Variants in MAP3K20 observed in about 807,000 individuals in gnomAD.
MAP3K20 encodes HCCS-4.
A neutral mutation model predicts 85.7 loss-of-function variants in MAP3K20; 40 were observed. The observed-to-expected ratio is 0.47, with a 90% CI of 0.36 to 0.61. MAP3K20 has a LOEUF of 0.61. MAP3K20 is among the 20% of genes least tolerant of loss of function. The pLI is 0.00. For missense variants in MAP3K20, 817 were observed against 961.7 expected (o/e 0.85, Z 1.99); for synonymous variants, 325 against 327.7 (o/e 0.99, Z 0.09).
intron 2 of MAP3K20, among the ~76,000 whole-genome samples, chr2:173,145,106 T>TA (rs1559251092): frequency 6.6e-6 from 1 of 152,142 alleles, no homozygotes; most frequent in African/African-American, 2.4e-5. Flanking sequence ...AACCTAAATG[T>TA]AAAAGCGAAA....
chr2:173,197,437 A>G (rs1200760852), intron 7 of MAP3K20, among the ~76,000 whole-genome samples: 4 of 152,206 alleles, frequency 2.6e-5, no homozygotes, highest in Admixed American at 2.0e-4. Context: ...TTGTAGGTAG[A>G]TGAAAATAGA....
At chr2:173,262,912 T>C (rs905955028) in intron 18 of MAP3K20, among the ~76,000 whole-genome samples, 2 of 152,236 alleles carry the variant, frequency 1.3e-5, no homozygotes, top group African/African-American at 4.8e-5. Context: ...AACCAGATTC[T>C]ACCTCTGCCT....
At chr2:173,167,125 C>G (rs1386053482) in intron 2 of MAP3K20, among the ~76,000 whole-genome samples, 1 of 151,874 alleles carries the variant, frequency 6.6e-6, no homozygotes, top group African/African-American at 2.4e-5. Flanking sequence ...CCATATTAGC[C>G]AGGATGGTCT....
chr2:173,147,140 C>A (rs974715485), intron 2 of MAP3K20, among the ~76,000 whole-genome samples: 2 of 151,966 alleles, frequency 1.3e-5, no homozygotes, highest in African/African-American at 4.8e-5. Context: ...TATTTATTGC[C>A]CTATTCTGTG....
chr2:173,207,133 GAGA>G (rs1163429199), intron 9 of MAP3K20, among the ~76,000 whole-genome samples: 28 of 151,512 alleles, frequency 1.8e-4, no homozygotes, highest in Non-Finnish European at 3.7e-4. Flanking sequence ...TTTTATTGAA[GAGA>G]AGGAGAAAAA....
intron 2 of MAP3K20, among the ~76,000 whole-genome samples, chr2:173,139,426 T>A (rs538288594): frequency 4.6e-5 from 7 of 152,356 alleles, no homozygotes; most frequent in Non-Finnish European, 1.0e-4. Context: ...AGTTCTTCTC[T>A]GAGTTATTCT....
chr2:173,151,524 A>G (rs994115979), intron 2 of MAP3K20, among the ~76,000 whole-genome samples: 3 of 152,190 alleles, frequency 2.0e-5, no homozygotes, highest in Admixed American at 6.5e-5. Flanking sequence ...CCATACTCAG[A>G]TCAACTACTA....
intron 11 of MAP3K20, among the ~76,000 whole-genome samples, chr2:173,220,930 A>C (rs923928048): frequency 2.6e-5 from 4 of 152,162 alleles, no homozygotes; most frequent in African/African-American, 9.7e-5. Context: ...GTGCTTTGCA[A>C]ACTTTTGGTT....
chr2:173,198,539 A>G lies in MAP3K20; in HGVS notation c.669+427A>G, dbSNP rs1360161836. ...CTTACCTCTCCCAGCAGGAGTCACT[A>G]TAGTACAAGAAACTGTCGCTTAGAT... On this transcript the variant is annotated intron_variant, in intron 8 of 19. Coordinates refer to ENST00000375213, the MANE Select transcript of MAP3K20 (RefSeq NM_016653.3). This position sits in a 1 kb window ranked among gnomAD's most constrained non-coding sequence, Gnocchi z 5.8. 1 of 152,752 alleles carries G rather than the reference A, an allele frequency of 6.5e-6. No individual in the cohort carries two copies. Among genetic ancestry groups the G allele is most frequent in the Non-Finnish European group, 1.5e-5 (1 of 68,178 alleles). The allele number at this position is 152,752 out of a possible 1,614,324, so 9.5% of individuals were successfully genotyped here.
intron 2 of MAP3K20, among the ~76,000 whole-genome samples, chr2:173,124,497 T>C (rs1268250077): frequency 6.6e-6 from 1 of 151,854 alleles, no homozygotes; most frequent in Middle Eastern, 3.2e-3. Flanking sequence ...GTTCCATGGG[T>C]GGGAGCTGGT....
At chr2:173,223,658 C>T (rs1684311410) in intron 11 of MAP3K20, 3 of 985,240 alleles carry the variant, frequency 3.0e-6, no homozygotes, top group Non-Finnish European at 3.6e-6. Context: ...GCCAGCTTAA[C>T]CTGGTCTGAG....
chr2:173,173,309 A>AC lies in MAP3K20; in HGVS notation c.247+3420dup, dbSNP rs758098622. 6.8e-4 allele frequency among the ~76,000 whole-genome samples: 104 copies of AC among 152,086 alleles called. 1 individual carries two copies. The highest frequency in any genetic ancestry group is 2.6e-4 in the Non-Finnish European group (18 of 67,984). On this transcript the variant is annotated intron_variant, in intron 3 of 19. Transcript: ENST00000375213. The stretch of plus-strand genomic sequence containing the variant: ...TTGTAGCAAGCCAGATTGGAGAGGA[A>AC]CCCACACCCAAAGTATCTGGTAATC...
intron 11 of MAP3K20, chr2:173,226,068 C>T: frequency 1.0e-6 from 1 of 985,114 alleles, no homozygotes; most frequent in Non-Finnish European, 1.2e-6. Context: ...GTTTTTGGTG[C>T]TCTGGAAATG....
Position 173,261,107 on chromosome 2 carries a change from T to A in MAP3K20, c.1521T>A (p.Ser507Arg). The A allele has an allele frequency of 6.2e-7, 1 of 1,613,700 alleles. No homozygotes were observed. The highest frequency in any genetic ancestry group is 8.5e-7 in the Non-Finnish European group (1 of 1,179,678). ...MEKWIVGIAK[S>R]QTVECTVTYE... ...AGTGGATTGTAGGAATAGCAAAAAG[T>A]CAGACTGTGGAGTGCACTGTCACAT... The change falls in exon 18 of 20, where the codon AGT (serine) becomes AGA (arginine). Residue 507 changes from serine to arginine, a missense_variant. Physicochemically the swap from Ser to Arg is moderately radical, Grantham distance 110. Coordinates refer to ENST00000375213, the MANE Select transcript of MAP3K20 (RefSeq NM_016653.3).
At chr2:173,134,424 A>ATTTTTTTT (rs1315509260) in intron 2 of MAP3K20, among the ~76,000 whole-genome samples, 5 of 5,034 alleles carry the variant, frequency 9.9e-4, no homozygotes, top group East Asian at 4.3e-3. Flanking sequence ...ATATATATAT[A>ATTTTTTTT]TATATTTTTT....
rs1019417386 is a variant in MAP3K20, at chr2:173,153,898, G to A, written c.160-15907G>A. 1.7e-4 allele frequency among the ~76,000 whole-genome samples: 26 copies of A among 151,916 alleles called. 1 individual carries two copies. Among genetic ancestry groups the A allele is most frequent in the Non-Finnish European group, 3.1e-4 (21 of 67,970 alleles). On this transcript the variant is annotated intron_variant, in intron 2 of 19. Transcript: ENST00000375213. Reference sequence around the variant, plus strand: ...TTGTATTATTTTTTATTGTTGTATTGTTATTTTTAAATTTTTTCCAATATT... The same window carrying A: ...TTGTATTATTTTTTATTGTTGTATTATTATTTTTAAATTTTTTCCAATATT...
intron 16 of MAP3K20, among the ~76,000 whole-genome samples, chr2:173,241,418 G>A (rs1011345460): frequency 2.0e-5 from 3 of 152,124 alleles, no homozygotes; most frequent in Non-Finnish European, 4.4e-5. Flanking sequence ...TTCGAGACCA[G>A]CCTGGGCAAC....
chr2:173,076,125 C>T (rs1384828366), intron 1 of MAP3K20, 123 bp downstream of exon 1: 1 of 721,088 alleles, frequency 1.4e-6, no homozygotes, highest in African/African-American at 1.9e-5. Flanking sequence ...TAGGCGGCCT[C>T]GGGAGGCTCC....
intron 15 of MAP3K20, among the ~76,000 whole-genome samples, chr2:173,238,944 T>C (rs1325300062): frequency 3.9e-5 from 6 of 152,236 alleles, no homozygotes; most frequent in African/African-American, 9.6e-5. Flanking sequence ...CTAACAGCTA[T>C]AGTTTTTCAT....
Sources: gnomAD v4.1 joint callset for allele counts (sites outside exome capture counted in the v4.1 genomes callset) on GRCh38, gnomAD v4.1.1 for gene constraint, Gnocchi (gnomAD v3.1) non-coding constraint, MANE v1.5 for transcripts, NCBI Gene and HGNC (gene_info 2026-07-23, HGNC 2026-07-21) for gene names.